Variants in TNFAIP8 observed in about 807,000 individuals in gnomAD.
TNFAIP8 encodes TNF alpha induced protein 8, also known as tumor necrosis factor alpha-induced protein 8.
In TNFAIP8, 7 loss-of-function variants were observed where a neutral mutation model predicts 13.3. That is an observed-to-expected ratio of 0.52 (90% CI 0.30 to 0.99). TNFAIP8 has a LOEUF of 0.99. Ranked by LOEUF, TNFAIP8 falls within the 50% of genes least tolerant of loss-of-function variation. The pLI is 0.07. For synonymous variants in TNFAIP8, 94 were observed against 87.6 expected (o/e 1.07, Z -0.41); for missense variants, 258 against 236.9 (o/e 1.09, Z -0.58).
At chr5:119,278,521 T>C (rs188071579) in intron 1 of TNFAIP8, among the ~76,000 whole-genome samples, 1 of 152,072 alleles carries the variant, frequency 6.6e-6, no homozygotes, top group East Asian at 1.9e-4. Flanking sequence ...TTAAGCCTCA[T>C]TGGCCAGAAC....
intron 1 of TNFAIP8, among the ~76,000 whole-genome samples, chr5:119,324,913 T>C (rs1297463311): frequency 6.6e-6 from 1 of 152,154 alleles, no homozygotes; most frequent in Non-Finnish European, 1.5e-5. Context: ...TCTCATGTTA[T>C]TAATACTCTG....
At chr5:119,278,554 CT>C (rs1004227361) in intron 1 of TNFAIP8, among the ~76,000 whole-genome samples, 16 of 152,140 alleles carry the variant, frequency 1.1e-4, no homozygotes, top group South Asian at 6.2e-4. Context: ...TTAAGGGAAG[CT>C]GTGAAAGTGA....
At chr5:119,316,396 T>TG (rs1182732363) in intron 1 of TNFAIP8, 1 of 152,180 alleles carries the variant, frequency 6.6e-6, no homozygotes, top group Non-Finnish European at 1.5e-5. Flanking sequence ...TGGGTTCAAG[T>TG]GATCCTCGCA....
At chr5:119,288,367 G>C (rs575349898) in intron 1 of TNFAIP8, among the ~76,000 whole-genome samples, 1 of 152,300 alleles carries the variant, frequency 6.6e-6, no homozygotes, top group South Asian at 2.1e-4. Flanking sequence ...GGGAATGTCA[G>C]CATCATCTAT....
At chr5:119,299,934 T>C (rs1319838550) in intron 1 of TNFAIP8, among the ~76,000 whole-genome samples, 1 of 152,224 alleles carries the variant, frequency 6.6e-6, no homozygotes, top group East Asian at 1.9e-4. Flanking sequence ...TATAATCTCT[T>C]GGTGCACCGT....
At chr5:119,310,218 G>T (rs150714933) in intron 1 of TNFAIP8, among the ~76,000 whole-genome samples, 2 of 152,170 alleles carry the variant, frequency 1.3e-5, no homozygotes, top group East Asian at 3.9e-4. Flanking sequence ...TCACTCTTTC[G>T]CTCCCTGGAC....
In TNFAIP8 at chr5:119,340,951, C is replaced by T. The variant is rs540123781; in HGVS notation, c.2-51865C>T. ...CTTGTGTTCTGGGACATCCAGATGT[C>T]GGGGTATTGTGGGAGCGGTGCACAT... On this transcript the variant is annotated intron_variant, in intron 1 of 1. Transcript: ENST00000274456. Among the ~76,000 whole-genome samples, 10 of 152,148 alleles carry T rather than the reference C, an allele frequency of 6.6e-5. No individual in the cohort carries two copies. In the East Asian group the frequency reaches 1.9e-3, roughly 29 times the overall value.
upstream of TNFAIP8, among the ~76,000 whole-genome samples, chr5:119,351,065 C>T (rs1327116511): frequency 1.3e-5 from 2 of 148,160 alleles, no homozygotes; most frequent in Non-Finnish European, 3.0e-5. Flanking sequence ...ACTCTGTTGC[C>T]CAGGCTGGAA....
At chr5:119,271,206 G>C (rs546703447) in intron 1 of TNFAIP8, among the ~76,000 whole-genome samples, 1 of 152,186 alleles carries the variant, frequency 6.6e-6, no homozygotes. Context: ...TGGAGGAAAG[G>C]GTGTGTGGAG....
intron 1 of TNFAIP8, among the ~76,000 whole-genome samples, chr5:119,302,026 C>G (rs778261756): frequency 8.5e-5 from 13 of 152,206 alleles, no homozygotes; most frequent in Non-Finnish European, 1.9e-4. Context: ...TTCCAAGGTC[C>G]TGTCATGCTC....
intron 1 of TNFAIP8, among the ~76,000 whole-genome samples, chr5:119,274,270 C>T (rs759004806): frequency 2.6e-5 from 4 of 152,180 alleles, no homozygotes; most frequent in African/African-American, 4.8e-5. Flanking sequence ...ACTTTGGTCA[C>T]GTAAATCTTT....
chr5:119,293,626 T>A (rs749983373), intron 1 of TNFAIP8, among the ~76,000 whole-genome samples: 2 of 152,200 alleles, frequency 1.3e-5, no homozygotes, highest in African/African-American at 2.4e-5. Flanking sequence ...ATTGTGGTAA[T>A]GGTTACGCAA....
chr5:119,333,489 T>C, intron 1 of TNFAIP8: 1 of 1,458,714 alleles, frequency 6.9e-7, no homozygotes, highest in Non-Finnish European at 9.0e-7. Context: ...TGAGAAGGAC[T>C]GAGTCTCCCC....
chr5:119,312,505 T>C (rs930281758), intron 1 of TNFAIP8, among the ~76,000 whole-genome samples: 2 of 152,092 alleles, frequency 1.3e-5, no homozygotes, highest in East Asian at 1.9e-4. Context: ...AAGTAGTGGT[T>C]GAGGTTAAGA....
chr5:119,358,213 T>C (rs1333228239), intron 1 of TNFAIP8, among the ~76,000 whole-genome samples: 1 of 152,068 alleles, frequency 6.6e-6, no homozygotes, highest in Non-Finnish European at 1.5e-5. Flanking sequence ...GCTTCATGCC[T>C]GATACGCTGT....
At chr5:119,283,587 A>G (rs1748696255) in intron 1 of TNFAIP8, among the ~76,000 whole-genome samples, 1 of 152,230 alleles carries the variant, frequency 6.6e-6, no homozygotes, top group African/African-American at 2.4e-5. Context: ...CACCAGGGAG[A>G]GCTTGCTGTA....
chr5:119,399,287 A>T lies in TNFAIP8; in HGVS notation c.*5906A>T, dbSNP rs1753142845. The stretch of plus-strand genomic sequence containing the variant: ...GGGCATTTGTGGGAGCAGTTAGGAA[A>T]CCAGGACGTCCAGCTTCTGCCTGCC... On this transcript the variant is annotated 3_prime_UTR_variant, in exon 2 of 2. Transcript: ENST00000504771. 1 of 152,294 alleles carries T rather than the reference A, an allele frequency of 6.6e-6. No individual in the cohort carries two copies. Among genetic ancestry groups the T allele is most frequent in the African/African-American group, 2.4e-5 (1 of 41,538 alleles). 9.4% of individuals were successfully genotyped at this position (152,294 alleles called of 1,614,324 possible).
intron 1 of TNFAIP8, among the ~76,000 whole-genome samples, chr5:119,371,024 T>C (rs1463507692): frequency 2.0e-5 from 3 of 152,240 alleles, no homozygotes; most frequent in African/African-American, 7.2e-5. Context: ...ATGCTAGACA[T>C]TCAAGAATTA....
intron 1 of TNFAIP8, among the ~76,000 whole-genome samples, chr5:119,364,272 A>T (rs1370170282): frequency 2.6e-5 from 4 of 152,160 alleles, no homozygotes; most frequent in African/African-American, 9.7e-5. Context: ...AACAAAAGGC[A>T]CCCCTCTCAC....
Sources: allele counts gnomAD v4.1 joint callset (sites outside exome capture counted in the v4.1 genomes callset), GRCh38; gene constraint gnomAD v4.1.1; transcripts MANE v1.5; gene names NCBI Gene and HGNC (gene_info 2026-07-23, HGNC 2026-07-21).